NCMAP: variants seen among roughly 807,000 people sequenced by gnomAD.
The protein encoded by NCMAP is noncompact myelin-associated protein.
In NCMAP, 8 loss-of-function variants were observed where a neutral mutation model predicts 7.8. The ratio of observed to expected loss-of-function variants is 1.02; its 90% CI spans 0.60 to 1.84. NCMAP has a LOEUF of 1.84. NCMAP is among the 40% of genes most tolerant of loss of function. The pLI is 0.00. For missense variants in NCMAP, 112 were observed against 131.4 expected (o/e 0.85, Z 0.72); for synonymous variants, 41 against 52.9 (o/e 0.78, Z 0.98).
chr1:24,562,725 G>A (rs1184949499), intron 1 of NCMAP, among the ~76,000 whole-genome samples: 4 of 152,176 alleles, frequency 2.6e-5, no homozygotes, highest in Non-Finnish European at 5.9e-5. Context: ...ATAAAAACAG[G>A]CAAGGGATCA....
intron 1 of NCMAP, among the ~76,000 whole-genome samples, chr1:24,558,670 G>A (rs1481577196): frequency 6.6e-6 from 1 of 152,184 alleles, no homozygotes; most frequent in African/African-American, 2.4e-5. Context: ...CAGGGTCATA[G>A]TGTGTTAGAG....
At position 24,605,926 on chromosome 1, in the gene NCMAP, A is replaced by G. The variant is rs898627748; in HGVS notation, c.*179A>G. 1.8e-5 allele frequency: 12 copies of G among 674,268 alleles called. No individual in the cohort carries two copies. The highest frequency in any genetic ancestry group is 2.6e-5 in the Non-Finnish European group (11 of 415,368). The allele number at this position is 674,268 out of a possible 1,614,324, so 41.8% of individuals were successfully genotyped here. A position where few individuals can be genotyped will look rare whatever the true frequency, so the allele number is the denominator to read the frequency against. Reference sequence around the variant, plus strand: ...AACCTTGTCTGCCCTGCCCTACCCCAACTGTGTCCACATCCCTGCCGCCAC... The same window carrying G: ...AACCTTGTCTGCCCTGCCCTACCCCGACTGTGTCCACATCCCTGCCGCCAC... On this transcript the variant is annotated 3_prime_UTR_variant, in exon 4 of 4. Transcript: ENST00000374392.
intron 1 of NCMAP, among the ~76,000 whole-genome samples, chr1:24,560,717 C>T (rs1437085808): frequency 1.3e-5 from 2 of 151,918 alleles, no homozygotes; most frequent in African/African-American, 4.8e-5. Context: ...GCACTCCAGC[C>T]TGGGTGACAG....
At chr1:24,562,629 G>C (rs1651085337) in intron 1 of NCMAP, among the ~76,000 whole-genome samples, 1 of 152,122 alleles carries the variant, frequency 6.6e-6, no homozygotes, top group South Asian at 2.1e-4. Flanking sequence ...CCTGCTTCAG[G>C]TCCCCTGCTC....
intron 1 of NCMAP, among the ~76,000 whole-genome samples, chr1:24,572,009 T>G (rs1246179456): frequency 2.6e-5 from 4 of 150,964 alleles, no homozygotes; most frequent in African/African-American, 9.9e-5. Context: ...GAGGCTCAAA[T>G]AGCCATGCGT....
chr1:24,587,492 CA>C (rs1264775405), intron 1 of NCMAP, among the ~76,000 whole-genome samples: 2 of 152,094 alleles, frequency 1.3e-5, no homozygotes, highest in Non-Finnish European at 2.9e-5. Context: ...CTTTCATGCA[CA>C]AAGGTCAAAG....
At chr1:24,597,527 G>GA (rs531374400) in intron 2 of NCMAP, among the ~76,000 whole-genome samples, 11,197 of 61,606 alleles carry the variant, frequency 0.18, 2,000 homozygotes, top group Non-Finnish European at 0.22. Context: ...GAAGGGGGGG[G>GA]GGGAGGGGGA....
intron 1 of NCMAP, among the ~76,000 whole-genome samples, chr1:24,563,264 G>A (rs1651105847): frequency 6.6e-6 from 1 of 150,966 alleles, no homozygotes; most frequent in Non-Finnish European, 1.5e-5. Context: ...GCTTGCGCCT[G>A]TAATCCCAGC....
At chr1:24,577,406 T>TTTG (rs1557596527) in intron 1 of NCMAP, among the ~76,000 whole-genome samples, 5 of 133,898 alleles carry the variant, frequency 3.7e-5, no homozygotes, top group African/African-American at 1.7e-4. Flanking sequence ...GCCTTGTTTT[T>TTTG]TTTTTTTTTT....
chr1:24,562,286 A>C (rs1296855096), intron 1 of NCMAP, among the ~76,000 whole-genome samples: 3 of 152,230 alleles, frequency 2.0e-5, no homozygotes, highest in Non-Finnish European at 4.4e-5. Context: ...GCATTCTACG[A>C]ATCACTTTGC....
chr1:24,578,960 A>G (rs1013540564), intron 1 of NCMAP, among the ~76,000 whole-genome samples: 3 of 151,990 alleles, frequency 2.0e-5, no homozygotes, highest in African/African-American at 7.2e-5. Context: ...CACATCAGAA[A>G]ATCTACAGGT....
At position 24,608,139 on chromosome 1, in the gene NCMAP, AGAT is replaced by A. The variant is rs1346171863; in HGVS notation, c.*2396_*2398del. On this transcript the variant is annotated 3_prime_UTR_variant, in exon 4 of 4. Coordinates refer to ENST00000374392, the MANE Select transcript of NCMAP (RefSeq NM_001010980.5). ...GGGGAGGAATTATTTTTTCCAAAAC[AGAT>A]GATAATTTCTGATTCAAAGAGAAAG... is the stretch of plus-strand genomic sequence containing the variant. 6.6e-6 allele frequency: 1 copy of A among 152,242 alleles called. No individual in the cohort carries two copies. The highest frequency in any genetic ancestry group is 1.9e-4 in the East Asian group (1 of 5,206). 9.4% of individuals were successfully genotyped at this position (152,242 alleles called of 1,614,324 possible).
At chr1:24,594,820 G>A (rs909509024) in intron 1 of NCMAP, among the ~76,000 whole-genome samples, 2 of 152,310 alleles carry the variant, frequency 1.3e-5, no homozygotes. Context: ...AGCCCAAGGA[G>A]GTCGAGGCTG....
intron 1 of NCMAP, among the ~76,000 whole-genome samples, chr1:24,583,738 AGT>A (rs1350238147): frequency 2.8e-5 from 4 of 144,814 alleles, no homozygotes; most frequent in African/African-American, 1.0e-4. Context: ...AAAAAAAAAA[AGT>A]GAGCAGGTGA....
intron 1 of NCMAP, among the ~76,000 whole-genome samples, chr1:24,557,464 CGTGT>C (rs1041190029): frequency 2.6e-5 from 4 of 151,106 alleles, no homozygotes; most frequent in Non-Finnish European, 1.5e-5. Flanking sequence ...CGTGTGTGTG[CGTGT>C]GTGTGTTGGT....
intron 1 of NCMAP, among the ~76,000 whole-genome samples, chr1:24,564,513 C>CA (rs1184189345): frequency 0.15 from 7,346 of 49,880 alleles, 1,359 homozygotes; most frequent in African/African-American, 0.38. Context: ...GATTCTGTCT[C>CA]AAAAAAAAAA....
intron 1 of NCMAP, among the ~76,000 whole-genome samples, chr1:24,577,334 G>A (rs569466846): frequency 1.4e-5 from 2 of 142,520 alleles, no homozygotes; most frequent in East Asian, 2.1e-4. Context: ...AAACAAAAGC[G>A]AGACCACTGA....
chr1:24,587,540 G>A (rs916991741), intron 1 of NCMAP, among the ~76,000 whole-genome samples: 1 of 151,886 alleles, frequency 6.6e-6, no homozygotes, highest in Non-Finnish European at 1.5e-5. Flanking sequence ...TTTTTACAGG[G>A]ACTCACTCTG....
chr1:24,571,154 T>C (rs1237288989), intron 1 of NCMAP, among the ~76,000 whole-genome samples: 2 of 150,810 alleles, frequency 1.3e-5, no homozygotes, highest in Non-Finnish European at 2.9e-5. Flanking sequence ...ACATATGTTA[T>C]TGTAAATGTC....
Sources: gnomAD v4.1 joint callset for allele counts (sites outside exome capture counted in the v4.1 genomes callset) on GRCh38, gnomAD v4.1.1 for gene constraint, MANE v1.5 for transcripts, NCBI Gene and HGNC (gene_info 2026-07-23, HGNC 2026-07-21) for gene names.